Variants in CFAP61 observed in about 807,000 individuals in gnomAD.
The protein encoded by CFAP61 is cilia- and flagella-associated protein 61.
In CFAP61, 107 loss-of-function variants were observed where a neutral mutation model predicts 135.6. The ratio of observed to expected loss-of-function variants is 0.79; its 90% CI spans 0.67 to 0.93. The LOEUF (loss-of-function observed/expected upper bound fraction) is 0.93, where lower values mean the gene tolerates loss of function less well. CFAP61 is among the 40% of genes least tolerant of loss of function. The pLI is 0.00. For synonymous variants in CFAP61, 575 were observed against 578.5 expected (o/e 0.99, Z 0.09); for missense variants, 1,507 against 1,556.2 (o/e 0.97, Z 0.53).
intron 24 of CFAP61, among the ~76,000 whole-genome samples, chr20:20,295,097 C>G (rs1389282898): frequency 6.6e-6 from 1 of 152,044 alleles, no homozygotes; most frequent in Non-Finnish European, 1.5e-5. Flanking sequence ...CTGCTCTCAG[C>G]CTGCAGCCTG....
chr20:20,275,552 A>G (rs553710604), intron 21 of CFAP61, among the ~76,000 whole-genome samples: 1 of 152,292 alleles, frequency 6.6e-6, no homozygotes, highest in Admixed American at 6.5e-5. Context: ...TCCAAACCCC[A>G]GCAGCACCAC....
At chr20:20,173,063 T>TC (rs1031068493) in intron 13 of CFAP61, among the ~76,000 whole-genome samples, 1 of 152,182 alleles carries the variant, frequency 6.6e-6, no homozygotes, top group Non-Finnish European at 1.5e-5. Flanking sequence ...TGCTTTTTTT[T>TC]CACGGATTAG....
chr20:20,074,062 C>G lies in CFAP61; in HGVS notation c.295-240C>G. ...CAGGAGGAAGGGCGGGTGCTCTGGA[C>G]TCATTTACAGTCCCTGTTTCCTTAA... On this transcript the variant is annotated intron_variant, in intron 3 of 26. Coordinates refer to ENST00000245957, the MANE Select transcript of CFAP61 (RefSeq NM_015585.4). 5.6e-6 allele frequency: 3 copies of G among 537,862 alleles called. No homozygotes were observed. In the South Asian group the frequency reaches 6.5e-5, roughly 12 times the overall value. 33.3% of individuals were successfully genotyped at this position (537,862 alleles called of 1,614,324 possible).
At chr20:20,104,155 TC>T (rs2048218796) in intron 8 of CFAP61, among the ~76,000 whole-genome samples, 1 of 152,142 alleles carries the variant, frequency 6.6e-6, no homozygotes, top group African/African-American at 2.4e-5. Flanking sequence ...CACCAAGTCA[TC>T]CAGGAAAACT....
chr20:20,324,321 C>T (rs2057667897), intron 25 of CFAP61, among the ~76,000 whole-genome samples: 1 of 152,154 alleles, frequency 6.6e-6, no homozygotes, highest in African/African-American at 2.4e-5. Flanking sequence ...ACACTGACCG[C>T]AGTCTCAGTT....
intron 20 of CFAP61, among the ~76,000 whole-genome samples, chr20:20,257,774 CTT>C (rs2051761862): frequency 1.3e-5 from 2 of 152,152 alleles, no homozygotes; most frequent in African/African-American, 2.4e-5. Context: ...GAAAATGACT[CTT>C]AAGCTAAATT....
chr20:20,074,003 CCCTGCAGGCTCT>C (rs1233583036), intron 3 of CFAP61: 1 of 382,172 alleles, frequency 2.6e-6, no homozygotes, highest in Non-Finnish European at 4.8e-6. Context: ...GATTTCACTC[CCCTGCAGGCTCT>C]CCCGCAGCTC....
intron 8 of CFAP61, among the ~76,000 whole-genome samples, chr20:20,126,290 C>A (rs1454683647): frequency 2.6e-5 from 4 of 151,658 alleles, no homozygotes; most frequent in African/African-American, 9.7e-5. Context: ...TGCTTTTTAA[C>A]ATGTATTTTT....
intron 13 of CFAP61, among the ~76,000 whole-genome samples, chr20:20,175,706 T>A (rs867005477): frequency 1.4e-5 from 2 of 142,424 alleles, no homozygotes; most frequent in African/African-American, 2.6e-5. Context: ...TTTTTTTTTT[T>A]ATTTTTAGTA....
At chr20:20,182,594 G>A (rs552554030) in intron 13 of CFAP61, among the ~76,000 whole-genome samples, 2 of 152,144 alleles carry the variant, frequency 1.3e-5, no homozygotes, top group African/African-American at 4.8e-5. Flanking sequence ...ATAAATATTT[G>A]TGATGGAGTG....
chr20:20,360,411 T>C lies in CFAP61; in HGVS notation c.*1T>C, dbSNP rs753461775. 40 of 1,613,378 alleles carry C rather than the reference T, an allele frequency of 2.5e-5. No homozygotes were observed. Among genetic ancestry groups the C allele is most frequent in the Non-Finnish European group, 3.4e-6 (4 of 1,179,804 alleles). The stretch of plus-strand genomic sequence containing the variant: ...GTACGCGTGGCCAGGCATCGTTTAG[T>C]TGTAGGCAGGGTCTCCCCTTTATGG... On this transcript the variant is annotated 3_prime_UTR_variant, in exon 27 of 27. Coordinates refer to ENST00000245957, the MANE Select transcript of CFAP61 (RefSeq NM_015585.4).
chr20:20,187,421 TTG>T (rs2055588983), intron 13 of CFAP61, among the ~76,000 whole-genome samples: 1 of 152,164 alleles, frequency 6.6e-6, no homozygotes, highest in Admixed American at 6.5e-5. Flanking sequence ...ACGTGCTCCA[TTG>T]TGTCACTTAA....
intron 25 of CFAP61, among the ~76,000 whole-genome samples, chr20:20,318,413 A>T (rs2057260828): frequency 6.6e-6 from 1 of 152,224 alleles, no homozygotes; most frequent in Admixed American, 6.5e-5. Context: ...GGTCATAAGC[A>T]TTAGTCAGGA....
At chr20:20,068,679 A>C (rs1371233369) in intron 2 of CFAP61, among the ~76,000 whole-genome samples, 2 of 152,198 alleles carry the variant, frequency 1.3e-5, no homozygotes, top group African/African-American at 4.8e-5. Context: ...GGTGGTACCC[A>C]GGGGGATTTC....
chr20:20,282,777 A>G (rs547410788), intron 22 of CFAP61, among the ~76,000 whole-genome samples: 4 of 152,162 alleles, frequency 2.6e-5, no homozygotes, highest in Non-Finnish European at 1.5e-5. Context: ...TGTCTCCACT[A>G]AACATATGAA....
Position 20,075,276 on chromosome 20 carries a change from C to T in CFAP61, c.439+20C>T, listed in dbSNP as rs995524638. ...GCCTAGGTAAGGCCCGCCCAACCAC[C>T]TCTGGTCCCCGGTAGCAAACATTGA... On this transcript the variant is annotated intron_variant, in intron 5 of 26. Transcript: ENST00000245957. The T allele has an allele frequency of 1.9e-6, 3 of 1,611,144 alleles. No homozygotes were observed. The highest frequency in any genetic ancestry group is 2.2e-5 in the South Asian group (2 of 91,040).
intron 15 of CFAP61, among the ~76,000 whole-genome samples, 196 bp from the exon 16 acceptor site, chr20:20,196,374 A>G (rs182226411): frequency 2.6e-5 from 4 of 152,332 alleles, no homozygotes; most frequent in Admixed American, 1.3e-4. Context: ...AAGACAATCC[A>G]TCAGAACAAC....
intron 17 of CFAP61, among the ~76,000 whole-genome samples, chr20:20,211,317 C>T (rs1480476618): frequency 1.3e-5 from 2 of 152,196 alleles, no homozygotes; most frequent in African/African-American, 4.8e-5. Context: ...ATTAGAGAAG[C>T]AGCTTGAAGC....
intron 18 of CFAP61, among the ~76,000 whole-genome samples, chr20:20,233,620 C>G (rs2049337495): frequency 6.6e-6 from 1 of 152,132 alleles, no homozygotes; most frequent in South Asian, 2.1e-4. Flanking sequence ...CTCAGTCTCC[C>G]CAGGCAGCAA....
Sources: allele counts gnomAD v4.1 joint callset (sites outside exome capture counted in the v4.1 genomes callset), GRCh38; gene constraint gnomAD v4.1.1; transcripts MANE v1.5; gene names NCBI Gene and HGNC (gene_info 2026-07-23, HGNC 2026-07-21).